The following ARHGAP6 variants were observed in gnomAD, a reference collection of about 807,000 sequenced individuals.
ARHGAP6 encodes Rho GTPase activating protein 6.
In ARHGAP6, 16 loss-of-function variants were observed where a neutral mutation model predicts 55.7. The ratio of observed to expected loss-of-function variants is 0.29; its 90% CI spans 0.19 to 0.44. ARHGAP6 has a LOEUF of 0.44. Among genes scored for constraint, ARHGAP6 ranks in the 20% least tolerant of loss-of-function variants. The probability of loss-of-function intolerance (pLI) is 1.00; values close to 1 mark genes in which losing one functional copy is unlikely to be tolerated. For missense variants in ARHGAP6, 698 were observed against 808.9 expected (o/e 0.86, Z 1.66); for synonymous variants, 382 against 360.9 (o/e 1.06, Z -0.66).
At chrX:11,390,841 T>C (rs1022441365) in intron 1 of ARHGAP6, among the ~76,000 whole-genome samples, 1 of 111,869 alleles carries the variant, frequency 8.9e-6, no homozygotes, top group East Asian at 2.8e-4. Flanking sequence ...TGTGGAGAAA[T>C]AGGAACACTT....
intron 1 of ARHGAP6, among the ~76,000 whole-genome samples, chrX:11,512,076 T>C (rs760607567): frequency 5.4e-5 from 6 of 111,351 alleles, no homozygotes; most frequent in African/African-American, 2.0e-4. Context: ...TCTGTCCGCC[T>C]TGGCCTCCCA....
At chrX:11,529,104 G>C (rs2051021250) in intron 1 of ARHGAP6, among the ~76,000 whole-genome samples, 1 of 111,458 alleles carries the variant, frequency 9.0e-6, no homozygotes, top group Non-Finnish European at 1.9e-5. Context: ...CTTGCTGCAA[G>C]GGAAATCTCT....
At chrX:11,637,761 G>T (rs1410325177) in intron 1 of ARHGAP6, among the ~76,000 whole-genome samples, 2 of 96,139 alleles carry the variant, frequency 2.1e-5, no homozygotes, top group Non-Finnish European at 4.0e-5. Context: ...CTGTAATTTT[G>T]ATTTTTTTTT....
At chrX:11,391,355 C>T (rs1451370764) in intron 1 of ARHGAP6, among the ~76,000 whole-genome samples, 2 of 110,453 alleles carry the variant, frequency 1.8e-5, no homozygotes, top group African/African-American at 6.6e-5. Flanking sequence ...AGGATATATA[C>T]CTAATGTAAA....
chrX:11,242,443 A>G (rs2047296022), intron 2 of ARHGAP6, among the ~76,000 whole-genome samples: 1 of 111,814 alleles, frequency 8.9e-6, no homozygotes, highest in African/African-American at 3.2e-5. Flanking sequence ...ATTTTTTTTA[A>G]AGAAGATTTT....
chrX:11,574,005 C>T (rs905559450), intron 1 of ARHGAP6, among the ~76,000 whole-genome samples: 4 of 111,368 alleles, frequency 3.6e-5, no homozygotes, highest in Admixed American at 1.9e-4. Context: ...GACACATACA[C>T]CCTCCCAAGA....
intron 1 of ARHGAP6, among the ~76,000 whole-genome samples, chrX:11,639,409 G>A (rs761114817): frequency 2.8e-5 from 3 of 108,875 alleles, no homozygotes; most frequent in South Asian, 4.0e-4. Flanking sequence ...TCCCTTCCCT[G>A]TTTCCAAGTT....
intron 1 of ARHGAP6, among the ~76,000 whole-genome samples, chrX:11,647,618 C>T (rs1022942545): frequency 2.1e-4 from 24 of 112,258 alleles, no homozygotes; most frequent in African/African-American, 7.4e-4. Context: ...AGTCCCTCAG[C>T]ACAGCCTTCA....
chrX:11,526,411 T>C (rs1489005431), intron 1 of ARHGAP6, among the ~76,000 whole-genome samples: 4 of 111,704 alleles, frequency 3.6e-5, no homozygotes, highest in Non-Finnish European at 5.6e-5. Flanking sequence ...TGCCAATGTT[T>C]GTAGTATAAA....
At chrX:11,558,483 A>G (rs762064101) in intron 1 of ARHGAP6, among the ~76,000 whole-genome samples, 2 of 111,514 alleles carry the variant, frequency 1.8e-5, no homozygotes, top group South Asian at 3.8e-4. Flanking sequence ...GCTGCAAAGG[A>G]TCATGAAGAC....
chrX:11,461,637 C>T (rs572932331), intron 1 of ARHGAP6, among the ~76,000 whole-genome samples: 13 of 112,305 alleles, frequency 1.2e-4, no homozygotes, highest in African/African-American at 3.9e-4. Context: ...CTCCAAGGTA[C>T]GGACTGCTTC....
chrX:11,184,155 G>A (rs1234468044), intron 5 of ARHGAP6, among the ~76,000 whole-genome samples: 1 of 112,272 alleles, frequency 8.9e-6, no homozygotes, highest in Non-Finnish European at 1.9e-5. Context: ...TTGTTATTTG[G>A]GGGAGGTCAC....
intron 2 of ARHGAP6, among the ~76,000 whole-genome samples, chrX:11,204,977 G>T (rs1342745079): frequency 9.0e-5 from 10 of 111,258 alleles, no homozygotes; most frequent in African/African-American, 3.3e-4. Context: ...CCCCATTGCT[G>T]CAGAAAGTAG....
chrX:11,630,871 A>G (rs1377062314), intron 1 of ARHGAP6, among the ~76,000 whole-genome samples: 4 of 112,259 alleles, frequency 3.6e-5, no homozygotes, highest in Non-Finnish European at 7.5e-5. Flanking sequence ...TAATATGAAT[A>G]GCATCACCTT....
chrX:11,571,065 GA>G (rs1478277148), intron 1 of ARHGAP6, among the ~76,000 whole-genome samples: 2 of 111,698 alleles, frequency 1.8e-5, no homozygotes, highest in Non-Finnish European at 3.8e-5. Flanking sequence ...GCCCTCACCA[GA>G]AAATGACACT....
At chrX:11,299,806 G>A (rs1318684999) in intron 1 of ARHGAP6, among the ~76,000 whole-genome samples, 1 of 111,875 alleles carries the variant, frequency 8.9e-6, no homozygotes, top group Non-Finnish European at 1.9e-5. Context: ...AAGAAGCCAG[G>A]ACACAAAGGT....
chrX:11,502,207 A>C (rs746617239), intron 1 of ARHGAP6, among the ~76,000 whole-genome samples: 5 of 112,734 alleles, frequency 4.4e-5, no homozygotes, highest in Non-Finnish European at 9.4e-5. Flanking sequence ...TGACAATCTG[A>C]ACGTCACAAA....
chrX:11,398,583 T>C (rs1028631188), intron 1 of ARHGAP6, among the ~76,000 whole-genome samples: 5 of 112,038 alleles, frequency 4.5e-5, no homozygotes, highest in Non-Finnish European at 9.4e-5. Flanking sequence ...ATGGCTGGCA[T>C]AGACATATTT....
At chrX:11,292,271 G>T (rs187878160) in intron 1 of ARHGAP6, among the ~76,000 whole-genome samples, 1 of 111,537 alleles carries the variant, frequency 9.0e-6, no homozygotes, top group African/African-American at 3.3e-5. Flanking sequence ...TGGACGACTC[G>T]TCAGTTAGCT....
Sources: gnomAD v4.1 joint callset for allele counts (sites outside exome capture counted in the v4.1 genomes callset) on GRCh38, gnomAD v4.1.1 for gene constraint, MANE v1.5 for transcripts, NCBI Gene and HGNC (gene_info 2026-07-23, HGNC 2026-07-21) for gene names.